Variants in NFASC observed in about 807,000 individuals in gnomAD.
NFASC encodes neurofascin homolog.
NFASC carries 43 observed loss-of-function variants against 147.5 expected under a neutral mutation model. That is an observed-to-expected ratio of 0.29 (90% CI 0.23 to 0.38). The LOEUF is 0.38. Among genes scored for constraint, NFASC ranks in the 10% least tolerant of loss-of-function variants. The pLI is 1.00. For synonymous variants in NFASC, 622 were observed against 665.5 expected (o/e 0.93, Z 1.01); for missense variants, 1,320 against 1,689.0 (o/e 0.78, Z 3.83).
chr1:204,908,344 T>G (rs568783501), intron 1 of NFASC, among the ~76,000 whole-genome samples: 20 of 152,282 alleles, frequency 1.3e-4, no homozygotes, highest in Middle Eastern at 3.4e-3. Flanking sequence ...AGTAGATTTT[T>G]TTTTCCTAAT....
intron 2 of NFASC, among the ~76,000 whole-genome samples, chr1:204,938,386 G>T (rs567878895): frequency 6.6e-6 from 1 of 152,180 alleles, no homozygotes; most frequent in African/African-American, 2.4e-5. Context: ...AAGCATTTAC[G>T]CTGTGCCCCA....
At chr1:204,920,970 TC>T (rs2090352102) in intron 2 of NFASC, among the ~76,000 whole-genome samples, 1 of 152,142 alleles carries the variant, frequency 6.6e-6, no homozygotes, top group African/African-American at 2.4e-5. Context: ...GTTTAAGCCT[TC>T]CCTGGCAGGG....
rs1335437907 is a variant in NFASC at position 204,831,616 on chromosome 1, G to A, written c.-200+2834G>A. Reference sequence around the variant, plus strand: ...AGACCATGGAGGAGCTGGAGTGTGAGAATCATCCCTTTGTCTTTAGAAAAA... The same window carrying A: ...AGACCATGGAGGAGCTGGAGTGTGAAAATCATCCCTTTGTCTTTAGAAAAA... On this transcript the variant is annotated intron_variant, in intron 1 of 29. Transcript: ENST00000339876. Among the ~76,000 whole-genome samples, 5 of 151,990 alleles carry A rather than the reference G, an allele frequency of 3.3e-5. No individual in the cohort carries two copies. The East Asian group carries it at 9.7e-4, about 29-fold the overall frequency.
chr1:204,911,737 C>T (rs1327409947), intron 1 of NFASC, among the ~76,000 whole-genome samples: 8 of 152,086 alleles, frequency 5.3e-5, no homozygotes. Context: ...GTAGAATTCT[C>T]TAGAGAAACC....
At chr1:204,944,472 G>GGGGA in intron 3 of NFASC, 66 bp downstream of exon 3, 8 of 402,566 alleles carry the variant, frequency 2.0e-5, no homozygotes, top group East Asian at 6.4e-5. Flanking sequence ...GGAGGGGAGG[G>GGGGA]AAGGTCAGAG....
At chr1:204,950,514 C>T in intron 3 of NFASC, 43 bp from the exon 4 acceptor site, 1 of 1,598,772 alleles carries the variant, frequency 6.3e-7, no homozygotes, top group Non-Finnish European at 8.5e-7. Context: ...TAACGATGTT[C>T]TTCTTTTCTC....
rs758982898 is a variant in NFASC, at chr1:204,968,298, C to T, written c.756C>T (p.Thr252=). 59 of 1,614,026 alleles carry T rather than the reference C, an allele frequency of 3.7e-5. No homozygotes were observed. Among genetic ancestry groups the T allele is most frequent in the Non-Finnish European group, 4.5e-5 (53 of 1,180,004 alleles). The change falls in exon 9 of 30, where the codon ACC becomes ACT. Residue 252 remains threonine (T), a synonymous_variant. Transcript: ENST00000339876. This position sits in a 1 kb window ranked among gnomAD's most constrained non-coding sequence, Gnocchi z 5.4. ...RTPSFMYPQG[T]ASSQMVLRGM... ...CAAGCTTCATGTATCCCCAGGGCAC[C>T]GCGAGCAGCCAGATGGTGCTTCGTG...
At chr1:204,941,002 T>C (rs938489937) in intron 2 of NFASC, among the ~76,000 whole-genome samples, 1 of 152,274 alleles carries the variant, frequency 6.6e-6, no homozygotes, top group Non-Finnish European at 1.5e-5. Flanking sequence ...TCTAACTTTT[T>C]GAGGAACTGC....
intron 3 of NFASC, among the ~76,000 whole-genome samples, chr1:204,950,066 G>T (rs1018742963): frequency 6.6e-6 from 1 of 152,238 alleles, no homozygotes; most frequent in Non-Finnish European, 1.5e-5. Flanking sequence ...AGAAGGTGTC[G>T]TGGGAGAAAT....
At chr1:204,911,445 T>C (rs1455163970) in intron 1 of NFASC, among the ~76,000 whole-genome samples, 1 of 152,234 alleles carries the variant, frequency 6.6e-6, no homozygotes. Context: ...CTTGAGCTCC[T>C]GGCCTAAAGC....
chr1:204,837,281 TG>T (rs1281624400), intron 1 of NFASC, among the ~76,000 whole-genome samples: 7 of 152,106 alleles, frequency 4.6e-5, no homozygotes, highest in African/African-American at 1.7e-4. Flanking sequence ...CCTCTAGAGA[TG>T]GGTAGGACCT....
At chr1:204,969,109 T>G (rs2095107309) in intron 10 of NFASC, 127 bp downstream of exon 10, 7 of 802,870 alleles carry the variant, frequency 8.7e-6, no homozygotes, top group Middle Eastern at 3.7e-4. Context: ...TCAGTGGCAA[T>G]GGCGATCTGC....
At chr1:204,871,051 A>G in intron 1 of NFASC, 2 of 1,289,838 alleles carry the variant, frequency 1.6e-6, no homozygotes, top group Non-Finnish European at 2.0e-6. Context: ...GAACCAGACC[A>G]TGGCTCCTTC....
chr1:205,016,780 C>A lies in NFASC; in HGVS notation c.*241C>A. ...GAGCTGGAGCCGTGGCTGAGCTCAGCTGGAGGGAGCCTGGCCCCTTGCCCG... is the reference window on the plus strand; with the variant it reads ...GAGCTGGAGCCGTGGCTGAGCTCAGATGGAGGGAGCCTGGCCCCTTGCCCG... On this transcript the variant is annotated 3_prime_UTR_variant, in exon 30 of 30. Transcript: ENST00000339876. This position sits in a 1 kb window ranked among gnomAD's most constrained non-coding sequence, Gnocchi z 5.1. 1 of 585,088 alleles carries A rather than the reference C, an allele frequency of 1.7e-6. No individual in the cohort carries two copies. Among genetic ancestry groups the A allele is most frequent in the South Asian group, 1.8e-5 (1 of 56,664 alleles). The allele number at this position is 585,088 out of a possible 1,614,324, so 36.2% of individuals were successfully genotyped here.
chr1:204,968,779 T>C lies in NFASC; in HGVS notation c.819-19T>C. 6.2e-7 allele frequency: 1 copy of C among 1,605,076 alleles called. No individual in the cohort carries two copies. The highest frequency in any genetic ancestry group is 8.5e-7 in the Non-Finnish European group (1 of 1,175,170). ...CCACGTTTAGTGATAACTTGTTTCC[T>C]GCTTGGCGCCTCTCCTAGCCCAACA... On this transcript the variant is annotated intron_variant, in intron 9 of 29. Transcript: ENST00000339876. The surrounding 1 kb of genome is among the most constrained non-coding windows in gnomAD (Gnocchi z 5.4).
Position 204,920,698 on chromosome 1 carries a change from C to T in NFASC, c.-133C>T, listed in dbSNP as rs2090274372. ...TTCCCTCCGCAGCCTGGAACAGAGCCTCCTCTGGTGTTGCAAGGAAGAGGC... is the reference window on the plus strand; with the variant it reads ...TTCCCTCCGCAGCCTGGAACAGAGCTTCCTCTGGTGTTGCAAGGAAGAGGC... On this transcript the variant is annotated 5_prime_UTR_variant, in exon 2 of 30. Coordinates refer to ENST00000339876, the MANE Select transcript of NFASC (RefSeq NM_001005388.3). 7.8e-7 allele frequency: 1 copy of T among 1,289,484 alleles called. No individual in the cohort carries two copies. Among genetic ancestry groups the T allele is most frequent in the African/African-American group, 1.5e-5 (1 of 65,804 alleles). The allele number at this position is 1,289,484 out of a possible 1,614,324, so 79.9% of individuals were successfully genotyped here.
At chr1:204,951,438 ACAGGTGTGAGC>A (rs1179205567) in intron 4 of NFASC, among the ~76,000 whole-genome samples, 2 of 148,416 alleles carry the variant, frequency 1.3e-5, no homozygotes, top group Non-Finnish European at 3.0e-5. Flanking sequence ...TGCTGGGATT[ACAGGTGTGAGC>A]CACCATGCCT....
intron 1 of NFASC, among the ~76,000 whole-genome samples, chr1:204,917,563 T>C (rs997601627): frequency 6.6e-6 from 1 of 152,210 alleles, no homozygotes; most frequent in Non-Finnish European, 1.5e-5. Context: ...TAATGGCTTA[T>C]TTAGGATTAT....
chr1:204,977,508 A>C (rs1354380876), intron 16 of NFASC, among the ~76,000 whole-genome samples, 173 bp from the exon 17 acceptor site: 2 of 152,228 alleles, frequency 1.3e-5, no homozygotes, highest in African/African-American at 4.8e-5. Context: ...GAGGAAACAC[A>C]GATGGCCTCT....
Sources: allele counts gnomAD v4.1 joint callset (sites outside exome capture counted in the v4.1 genomes callset), GRCh38; gene constraint gnomAD v4.1.1; non-coding constraint Gnocchi (gnomAD v3.1); transcripts MANE v1.5; gene names NCBI Gene and HGNC (gene_info 2026-07-23, HGNC 2026-07-21).